Variants in DNAH14 observed in about 807,000 individuals in gnomAD.
The protein encoded by DNAH14 is axonemal beta dynein heavy chain 14.
DNAH14 carries 478 observed loss-of-function variants against 520.9 expected under a neutral mutation model. That is an observed-to-expected ratio of 0.92 (90% CI 0.85 to 0.99). The LOEUF (loss-of-function observed/expected upper bound fraction) is 0.99, where lower values mean the gene tolerates loss of function less well. Ranked by LOEUF, DNAH14 falls within the 50% of genes least tolerant of loss-of-function variation. The pLI is 0.00. For synonymous variants in DNAH14, 1,581 were observed against 1,757.2 expected, an observed-to-expected ratio of 0.90 and a Z score of 2.51; for missense variants, 4,831 against 5,234.5, an observed-to-expected ratio of 0.92 and a Z score of 2.38.
intron 54 of DNAH14, among the ~76,000 whole-genome samples, chr1:225,285,976 G>T (rs967479262): frequency 6.6e-6 from 1 of 152,224 alleles, no homozygotes; most frequent in African/African-American, 2.4e-5. Flanking sequence ...ATTAGCTCTT[G>T]TGAATAGTGC....
intron 55 of DNAH14, among the ~76,000 whole-genome samples, chr1:225,300,640 G>T (rs1471296210): frequency 6.6e-6 from 1 of 151,944 alleles, no homozygotes; most frequent in East Asian, 1.9e-4. Flanking sequence ...GTTCAAGGCT[G>T]CATGCAGTGA....
At chr1:224,960,005 C>A in intron 3 of DNAH14, 148 bp from the exon 4 acceptor site, 1 of 661,982 alleles carries the variant, frequency 1.5e-6, no homozygotes, top group Non-Finnish European at 2.3e-6. Context: ...GAGCTTGGAA[C>A]CCAGGCAGTG....
intron 69 of DNAH14, among the ~76,000 whole-genome samples, chr1:225,342,215 T>C (rs759608492): frequency 6.6e-6 from 1 of 152,122 alleles, no homozygotes; most frequent in Non-Finnish European, 1.5e-5. Context: ...ATAGTAATAA[T>C]AAGAATATAA....
At chr1:225,295,626 G>T (rs1453578031) in intron 55 of DNAH14, among the ~76,000 whole-genome samples, 3 of 152,088 alleles carry the variant, frequency 2.0e-5, no homozygotes, top group African/African-American at 7.2e-5. Flanking sequence ...ATATGATTTT[G>T]ATTTTTAAAA....
chr1:225,188,242 C>A (rs1296872227), intron 37 of DNAH14, among the ~76,000 whole-genome samples: 2 of 151,884 alleles, frequency 1.3e-5, no homozygotes, highest in Non-Finnish European at 2.9e-5. Flanking sequence ...CAGAAGCAAA[C>A]AATTCATAAG....
intron 8 of DNAH14, among the ~76,000 whole-genome samples, chr1:224,981,459 T>G (rs547312514): frequency 1.6e-4 from 24 of 152,324 alleles, no homozygotes; most frequent in Admixed American, 4.6e-4. Context: ...CATTTCAATC[T>G]CGCTGCTTGT....
At chr1:225,384,877 A>G (rs2095822603) in intron 81 of DNAH14, among the ~76,000 whole-genome samples, 1 of 152,236 alleles carries the variant, frequency 6.6e-6, no homozygotes, top group Admixed American at 6.5e-5. Flanking sequence ...AATTCATTTT[A>G]TGAGGCCAAC....
In DNAH14 at chr1:225,079,559, A is replaced by C; in HGVS notation, c.2766+11A>C. On this transcript the variant is annotated intron_variant, in intron 18 of 85. Transcript: ENST00000682510. The stretch of plus-strand genomic sequence containing the variant: ...AATTTAAAAGCCAAGGTAAGTTTTT[A>C]GGGTTTTTTTGGATTTTTTTTTTAT... 6.7e-7 allele frequency: 1 copy of C among 1,498,614 alleles called. No homozygotes were observed. Among genetic ancestry groups the C allele is most frequent in the Non-Finnish European group, 8.8e-7 (1 of 1,131,868 alleles). The allele number at this position is 1,498,614 out of a possible 1,614,324, so 92.8% of individuals were successfully genotyped here. A position where few individuals can be genotyped will look rare whatever the true frequency, so the allele number is the denominator to read the frequency against.
chr1:225,168,251 G>A (rs776356650), intron 36 of DNAH14, among the ~76,000 whole-genome samples: 15 of 152,198 alleles, frequency 9.9e-5, no homozygotes, highest in East Asian at 3.9e-4. Context: ...CGCAGAAGAC[G>A]AATGATTTCT....
chr1:224,968,867 G>A lies in DNAH14; in HGVS notation c.760G>A (p.Asp254Asn), dbSNP rs1240836660. The A allele has an allele frequency of 2.1e-5, 33 of 1,536,690 alleles. No homozygotes were observed. Among genetic ancestry groups the A allele is most frequent in the Non-Finnish European group, 2.9e-5 (33 of 1,140,748 alleles). ...ATTACGGCAATTCAAGATATTTTCTGATTTCCGGTGAGGTGAAAAAAATGA... is the reference window on the plus strand; with the variant it reads ...ATTACGGCAATTCAAGATATTTTCTAATTTCCGGTGAGGTGAAAAAAATGA... ...YLLRQFKIFS[D>N]FRMNKAFVTW... is the part of the protein sequence containing the mutation. Residue 254 changes from aspartate to asparagine, a missense_variant, in exon 7 of 86, where the codon GAT (aspartate) becomes AAT (asparagine). Coordinates refer to ENST00000682510, the MANE Select transcript of DNAH14 (RefSeq NM_001367479.1).
chr1:225,088,821 GTTAA>G (rs1397058279), intron 21 of DNAH14, among the ~76,000 whole-genome samples: 1 of 152,104 alleles, frequency 6.6e-6, no homozygotes, highest in Admixed American at 6.5e-5. Flanking sequence ...ACAACTTTAA[GTTAA>G]TTAAGTACTT....
At chr1:225,387,879 T>C (rs2095860754) in intron 81 of DNAH14, among the ~76,000 whole-genome samples, 1 of 151,952 alleles carries the variant, frequency 6.6e-6, no homozygotes, top group African/African-American at 2.4e-5. Context: ...TTTGTGCAGT[T>C]AAGATGCAAG....
intron 11 of DNAH14, among the ~76,000 whole-genome samples, chr1:225,028,928 G>A (rs568180195): frequency 6.6e-6 from 1 of 152,050 alleles, no homozygotes; most frequent in African/African-American, 2.4e-5. Flanking sequence ...ACCCTATAAT[G>A]TAGCAAGCCT....
At chr1:225,030,240 C>T (rs1468228144) in intron 11 of DNAH14, among the ~76,000 whole-genome samples, 1 of 151,706 alleles carries the variant, frequency 6.6e-6, no homozygotes, top group Non-Finnish European at 1.5e-5. Flanking sequence ...ACAAAACTTA[C>T]TATAGGCAGC....
At chr1:225,338,330 A>G in intron 68 of DNAH14, 148 bp downstream of exon 68, 1 of 1,019,120 alleles carries the variant, frequency 9.8e-7, no homozygotes, top group South Asian at 1.4e-5. Context: ...TTGTGTTGGC[A>G]GTAGTATTCA....
At chr1:225,027,226 A>G (rs2148067159) in intron 11 of DNAH14, among the ~76,000 whole-genome samples, 1 of 152,228 alleles carries the variant, frequency 6.6e-6, no homozygotes, top group African/African-American at 2.4e-5. Context: ...TTCTTTACCA[A>G]TCTGATACCT....
rs1457030634 is a variant in DNAH14, at chr1:225,189,282, AT to A, written c.5671-3409del. On this transcript the variant is annotated intron_variant, in intron 37 of 85. Transcript: ENST00000682510. The stretch of plus-strand genomic sequence containing the variant: ...TCAGTTTGTTAGCATCTTTTTGAGG[AT>A]TTTTGCATATATATCCTTAAGGGTT... 2.0e-5 allele frequency among the ~76,000 whole-genome samples: 3 copies of A among 151,472 alleles called. No homozygotes were observed. The East Asian group carries it at 5.8e-4, about 29-fold the overall frequency.
intron 61 of DNAH14, among the ~76,000 whole-genome samples, chr1:225,319,457 A>G (rs1013552869): frequency 7.2e-5 from 11 of 152,184 alleles, no homozygotes; most frequent in African/African-American, 2.7e-4. Flanking sequence ...AAAGATGTGG[A>G]AATTTGGAGC....
At chr1:225,076,932 T>C (rs931529825) in intron 17 of DNAH14, among the ~76,000 whole-genome samples, 1 of 152,092 alleles carries the variant, frequency 6.6e-6, no homozygotes, top group Non-Finnish European at 1.5e-5. Flanking sequence ...CTCCTAATGC[T>C]ATCCCTCCCC....
Sources: gnomAD v4.1 joint callset for allele counts (sites outside exome capture counted in the v4.1 genomes callset) on GRCh38, gnomAD v4.1.1 for gene constraint, MANE v1.5 for transcripts, NCBI Gene and HGNC (gene_info 2026-07-23, HGNC 2026-07-21) for gene names.